The following NREP variants were observed in gnomAD, a reference collection of about 807,000 sequenced individuals.
NREP encodes the protein neuronal regeneration-related protein.
In NREP, 5 loss-of-function variants were observed where a neutral mutation model predicts 8.6. The ratio of observed to expected loss-of-function variants is 0.58; its 90% CI spans 0.30 to 1.22. The LOEUF is 1.22. Among genes scored for constraint, NREP ranks in the 50% most tolerant of loss-of-function variants. NREP has a pLI of 0.07. For missense variants in NREP, 86 were observed against 82.5 expected, an observed-to-expected ratio of 1.04 and a Z score of -0.17; for synonymous variants, 27 against 28.0, an observed-to-expected ratio of 0.96 and a Z score of 0.11.
At chr5:111,819,879 A>T (rs1056961976) in intron 2 of NREP, among the ~76,000 whole-genome samples, 2 of 152,202 alleles carry the variant, frequency 1.3e-5, no homozygotes, top group Non-Finnish European at 2.9e-5. Flanking sequence ...GAACAGACAG[A>T]CATTAAAACT....
chr5:111,800,085 C>CTT (rs750853784), intron 2 of NREP, among the ~76,000 whole-genome samples: 8,310 of 141,048 alleles, frequency 0.059, 345 homozygotes, highest in East Asian at 0.21. Context: ...ACGCCAACTA[C>CTT]TTTTTTTTTT....
At chr5:111,734,896 A>C (rs111328756) in intron 3 of NREP, 22 of 430,172 alleles carry the variant, frequency 5.1e-5, no homozygotes, top group Non-Finnish European at 9.0e-5. Flanking sequence ...AATCTAAAAT[A>C]TAAATTTTAC....
chr5:111,949,259 G>A (rs538684042), intron 2 of NREP, among the ~76,000 whole-genome samples: 2 of 152,082 alleles, frequency 1.3e-5, no homozygotes, highest in East Asian at 1.9e-4. Context: ...CCACACCATT[G>A]AATGAGACAA....
upstream of NREP, among the ~76,000 whole-genome samples, chr5:111,762,220 C>G (rs1420155045): frequency 6.6e-6 from 1 of 152,054 alleles, no homozygotes; most frequent in African/African-American, 2.4e-5. Flanking sequence ...ATTCTAGATT[C>G]TGGCTTTGTG....
chr5:111,956,963 CTAAA>C (rs10665112), intron 2 of NREP, among the ~76,000 whole-genome samples: 15,470 of 142,820 alleles, frequency 0.11, 1,117 homozygotes, highest in East Asian at 0.23. Context: ...GACCATGTCT[CTAAA>C]TAAATAAATA....
intron 2 of NREP, among the ~76,000 whole-genome samples, chr5:111,931,855 T>C (rs1359377477): frequency 2.6e-5 from 4 of 152,040 alleles, no homozygotes; most frequent in African/African-American, 9.7e-5. Flanking sequence ...TAAATAGATA[T>C]CTTTCTCATT....
chr5:111,785,877 T>C (rs1025042706), intron 2 of NREP, among the ~76,000 whole-genome samples: 4 of 152,066 alleles, frequency 2.6e-5, no homozygotes, highest in East Asian at 3.9e-4. Context: ...AGTTCATATA[T>C]ACAAACTGTA....
chr5:111,854,437 A>G (rs1753380907), intron 2 of NREP, among the ~76,000 whole-genome samples: 1 of 152,196 alleles, frequency 6.6e-6, no homozygotes, highest in Non-Finnish European at 1.5e-5. Flanking sequence ...GGGTGCCAGA[A>G]GTCTGGCAGC....
intron 2 of NREP, among the ~76,000 whole-genome samples, chr5:111,966,898 C>A (rs1217740259): frequency 6.6e-6 from 1 of 152,094 alleles, no homozygotes; most frequent in East Asian, 1.9e-4. Context: ...TGCTGAATAC[C>A]AGCACAGCTT....
intron 2 of NREP, among the ~76,000 whole-genome samples, chr5:111,769,340 A>G (rs1263620022): frequency 6.6e-6 from 1 of 152,370 alleles, no homozygotes; most frequent in South Asian, 2.1e-4. Context: ...TTCTATAATT[A>G]CAATCACAAA....
At chr5:111,774,900 T>G (rs62371571) in intron 2 of NREP, among the ~76,000 whole-genome samples, 15,135 of 152,182 alleles carry the variant, frequency 0.099, 784 homozygotes, top group Middle Eastern at 0.12. Flanking sequence ...ATTGCTAAAT[T>G]TGTGGTAATT....
chr5:111,835,032 G>GGAAC (rs1752860601), intron 2 of NREP, among the ~76,000 whole-genome samples: 1 of 152,162 alleles, frequency 6.6e-6, no homozygotes, highest in Admixed American at 6.6e-5. Flanking sequence ...ATGTAAGAGA[G>GGAAC]GAACATTCCT....
At chr5:111,731,101 T>A in intron 3 of NREP, 55 bp from the exon 4 acceptor site, 1 of 1,589,438 alleles carries the variant, frequency 6.3e-7, no homozygotes. Flanking sequence ...ACAAAATTAG[T>A]CATGCTTCTG....
intron 2 of NREP, among the ~76,000 whole-genome samples, chr5:111,827,078 G>C (rs962457723): frequency 6.6e-6 from 1 of 152,138 alleles, no homozygotes; most frequent in Non-Finnish European, 1.5e-5. Flanking sequence ...TAGTTGGCTA[G>C]ATATTTTCTT....
At chr5:111,841,978 G>T (rs1422976471) in intron 2 of NREP, among the ~76,000 whole-genome samples, 2 of 152,104 alleles carry the variant, frequency 1.3e-5, no homozygotes, top group Non-Finnish European at 2.9e-5. Context: ...CTACTGGATG[G>T]AAAACTCTGG....
At chr5:111,882,755 A>C (rs903565942) in intron 2 of NREP, among the ~76,000 whole-genome samples, 18 of 152,116 alleles carry the variant, frequency 1.2e-4, no homozygotes, top group Middle Eastern at 3.2e-3. Flanking sequence ...GAAATAAAAT[A>C]CTTTACAGAC....
chr5:111,795,737 G>A lies in NREP; in HGVS notation c.136-60230C>T, dbSNP rs1404031722. ...AGCTAATCTTTCTAGGGTTAAATAGGTCAAAAGTAATCAAATAGGTCAAAA... is the reference window on the plus strand; with the variant it reads ...AGCTAATCTTTCTAGGGTTAAATAGATCAAAAGTAATCAAATAGGTCAAAA... On this transcript the variant is annotated intron_variant, in intron 2 of 3. Coordinates refer to the NREP transcript ENST00000395634. Among the ~76,000 whole-genome samples the A allele has an allele frequency of 2.0e-5, 3 of 152,022 alleles. No individual in the cohort carries two copies. In the East Asian group the frequency reaches 5.8e-4, roughly 29 times the overall value.
chr5:111,827,774 T>G (rs1752662711), intron 2 of NREP, among the ~76,000 whole-genome samples: 1 of 151,876 alleles, frequency 6.6e-6, no homozygotes, highest in Admixed American at 6.6e-5. Flanking sequence ...ACCTGGAAGT[T>G]GGAGGTTGAA....
intron 2 of NREP, among the ~76,000 whole-genome samples, chr5:111,827,378 T>C (rs941560829): frequency 1.3e-5 from 2 of 152,224 alleles, no homozygotes; most frequent in African/African-American, 4.8e-5. Context: ...TAGTTCCACT[T>C]CATTAATACT....
Sources: allele counts gnomAD v4.1 joint callset (sites outside exome capture counted in the v4.1 genomes callset), GRCh38; gene constraint gnomAD v4.1.1; transcripts MANE v1.5; gene names NCBI Gene and HGNC (gene_info 2026-07-23, HGNC 2026-07-21).